FGF1: variants seen among roughly 807,000 people sequenced by gnomAD.
The protein encoded by FGF1 is beta-endothelial cell growth factor.
FGF1 carries 9 observed loss-of-function variants against 13.4 expected under a neutral mutation model. The ratio of observed to expected loss-of-function variants is 0.67; its 90% CI spans 0.40 to 1.17. FGF1 has a LOEUF of 1.17. Ranked by LOEUF, FGF1 falls within the 50% of genes most tolerant of loss-of-function variation. FGF1 has a pLI of 0.01. For synonymous variants in FGF1, 93 were observed against 79.0 expected (o/e 1.18, Z -0.94); for missense variants, 156 against 192.7 (o/e 0.81, Z 1.13).
At chr5:142,612,108 C>A (rs1252243842) in intron 2 of FGF1, among the ~76,000 whole-genome samples, 1 of 152,188 alleles carries the variant, frequency 6.6e-6, no homozygotes, top group Non-Finnish European at 1.5e-5. Flanking sequence ...AATAATCTGG[C>A]ATTCCTTGAA....
At chr5:142,692,823 AAAAC>A (rs59345808) in intron 2 of FGF1, among the ~76,000 whole-genome samples, 7,127 of 151,184 alleles carry the variant, frequency 0.047, 458 homozygotes, top group African/African-American at 0.14. Flanking sequence ...CTATTTGGCA[AAAAC>A]AAACAAACAA....
At chr5:142,636,485 A>C (rs1764270599) in intron 1 of FGF1, among the ~76,000 whole-genome samples, 1 of 152,218 alleles carries the variant, frequency 6.6e-6, no homozygotes, top group Non-Finnish European at 1.5e-5. Context: ...TCACATATTC[A>C]GTGAGTACCT....
At position 142,593,689 on chromosome 5, in the gene FGF1, G is replaced by C. The variant is rs1199290046; in HGVS notation, c.*1601C>G. 6.6e-6 allele frequency: 1 copy of C among 152,590 alleles called. No homozygotes were observed. 9.5% of individuals were successfully genotyped at this position (152,590 alleles called of 1,614,324 possible). A position where few individuals can be genotyped will look rare whatever the true frequency, so the allele number is the denominator to read the frequency against. On this transcript the variant is annotated 3_prime_UTR_variant, in exon 4 of 4. Transcript: ENST00000337706. ...TAAATAAGTATCAGATAAGTGAGTA[G>C]CTTATACATTGTATCCTATTACTAT... is the stretch of plus-strand genomic sequence containing the variant.
intron 1 of FGF1, among the ~76,000 whole-genome samples, chr5:142,625,696 A>G (rs1762346940): frequency 6.6e-6 from 1 of 152,222 alleles, no homozygotes; most frequent in Non-Finnish European, 1.5e-5. Flanking sequence ...GCTTCACGCC[A>G]AATGCAAAGT....
chr5:142,637,907 C>T (rs191995204), intron 1 of FGF1, among the ~76,000 whole-genome samples: 29 of 152,164 alleles, frequency 1.9e-4, no homozygotes, highest in Admixed American at 3.9e-4. Flanking sequence ...AGCTGGCTCT[C>T]AAGTTGCCTT....
intron 1 of FGF1, among the ~76,000 whole-genome samples, chr5:142,677,279 A>C (rs1772798244): frequency 6.6e-6 from 1 of 152,116 alleles, no homozygotes; most frequent in South Asian, 2.1e-4. Flanking sequence ...TTCCCATCAG[A>C]CTGATGGGGA....
chr5:142,597,558 A>G (rs1755569934), intron 3 of FGF1, among the ~76,000 whole-genome samples: 1 of 152,210 alleles, frequency 6.6e-6, no homozygotes, highest in Non-Finnish European at 1.5e-5. Context: ...TCTATTCGTC[A>G]AGATCTTAGA....
chr5:142,668,803 C>T (rs1440619113), intron 1 of FGF1, among the ~76,000 whole-genome samples: 1 of 152,176 alleles, frequency 6.6e-6, no homozygotes, highest in African/African-American at 2.4e-5. Context: ...AGATAAGCTT[C>T]CTGTCCTTGA....
upstream of FGF1, among the ~76,000 whole-genome samples, chr5:142,688,962 C>A (rs34781635): frequency 3.9e-5 from 6 of 152,332 alleles, no homozygotes; most frequent in South Asian, 4.1e-4. Context: ...CTCTGAAAAT[C>A]AGACATATAA....
At chr5:142,683,857 AATCCTTT>A (rs72044944) in intron 1 of FGF1, among the ~76,000 whole-genome samples, 35,564 of 141,820 alleles carry the variant, frequency 0.25, 4,689 homozygotes, top group Non-Finnish European at 0.27. Flanking sequence ...AAAGAAAATT[AATCCTTT>A]ATCCTTTATC....
At chr5:142,639,878 G>C (rs1426663554) in intron 1 of FGF1, among the ~76,000 whole-genome samples, 2 of 151,820 alleles carry the variant, frequency 1.3e-5, no homozygotes, top group Non-Finnish European at 2.9e-5. Context: ...CCTTAATAAA[G>C]CTGGAAAAAA....
chr5:142,665,178 A>C (rs1770052637), intron 1 of FGF1, among the ~76,000 whole-genome samples: 1 of 152,184 alleles, frequency 6.6e-6, no homozygotes, highest in African/African-American at 2.4e-5. Context: ...ATCTCAAAAA[A>C]TAAAAAACAA....
At chr5:142,647,008 C>T (rs750770469) in intron 1 of FGF1, among the ~76,000 whole-genome samples, 2 of 152,218 alleles carry the variant, frequency 1.3e-5, no homozygotes, top group Non-Finnish European at 2.9e-5. Flanking sequence ...CAGTTTTCAG[C>T]ACCCAATACC....
At chr5:142,640,841 A>C (rs906926759) in intron 1 of FGF1, among the ~76,000 whole-genome samples, 6 of 151,934 alleles carry the variant, frequency 3.9e-5, no homozygotes, top group Non-Finnish European at 8.8e-5. Flanking sequence ...AGCTATTTGC[A>C]TCCTCCGTTT....
rs187528567 is a variant in FGF1, at chr5:142,647,956, G to A, written c.-34-33795C>T. 7.8e-3 allele frequency among the ~76,000 whole-genome samples: 1,190 copies of A among 152,126 alleles called. 8 individuals carry two copies. The highest frequency in any genetic ancestry group is 0.014 in the Non-Finnish European group (932 of 67,988). On this transcript the variant is annotated intron_variant, in intron 1 of 3. Coordinates refer to ENST00000337706, the MANE Select transcript of FGF1 (RefSeq NM_000800.5). ...AAAGATTAGCTGGGCGTGGTGGTGCGCACCTGTAATCCCAGCTACTTGCGA... is the reference window on the plus strand; with the variant it reads ...AAAGATTAGCTGGGCGTGGTGGTGCACACCTGTAATCCCAGCTACTTGCGA...
chr5:142,631,039 C>T (rs946446386), intron 1 of FGF1, among the ~76,000 whole-genome samples: 11 of 152,178 alleles, frequency 7.2e-5, no homozygotes, highest in Admixed American at 2.6e-4. Context: ...AGAGGAATTG[C>T]TCAGATATTT....
upstream of FGF1, among the ~76,000 whole-genome samples, chr5:142,690,715 C>A (rs1168880387): frequency 6.6e-6 from 1 of 152,190 alleles, no homozygotes; most frequent in Non-Finnish European, 1.5e-5. Flanking sequence ...TCAGAAGGAA[C>A]CTGCTAAAAG....
intron 2 of FGF1, among the ~76,000 whole-genome samples, chr5:142,604,748 T>A (rs1757280734): frequency 6.6e-6 from 1 of 152,220 alleles, no homozygotes; most frequent in Admixed American, 6.5e-5. Context: ...TGCAATGTTA[T>A]ACTTCTAAGA....
At chr5:142,659,332 G>A (rs555095707) in intron 1 of FGF1, among the ~76,000 whole-genome samples, 30 of 151,108 alleles carry the variant, frequency 2.0e-4, no homozygotes, top group African/African-American at 6.8e-4. Context: ...GGGTTCAAGC[G>A]ATTCTCCTGC....
Sources: allele counts gnomAD v4.1 joint callset (sites outside exome capture counted in the v4.1 genomes callset), GRCh38; gene constraint gnomAD v4.1.1; transcripts MANE v1.5; gene names NCBI Gene and HGNC (gene_info 2026-07-23, HGNC 2026-07-21).